ADGRG6: variants seen among roughly 807,000 people sequenced by gnomAD.
ADGRG6 encodes adhesion G protein-coupled receptor G6.
In ADGRG6, 84 loss-of-function variants were observed where a neutral mutation model predicts 142.4. The observed-to-expected ratio is 0.59, with a 90% CI of 0.49 to 0.71. The LOEUF (loss-of-function observed/expected upper bound fraction) is 0.71, where lower values mean the gene tolerates loss of function less well. Ranked by LOEUF, ADGRG6 falls within the 30% of genes least tolerant of loss-of-function variation. The probability of loss-of-function intolerance (pLI) is 0.00; values close to 1 mark genes in which losing one functional copy is unlikely to be tolerated. For missense variants in ADGRG6, 1,367 were observed against 1,466.6 expected, an observed-to-expected ratio of 0.93 and a Z score of 1.11; for synonymous variants, 521 against 520.5, an observed-to-expected ratio of 1.00 and a Z score of -0.01.
rs757742213 is a variant in ADGRG6, at chr6:142,444,390, A to C, written c.*875A>C. 6.6e-6 allele frequency: 1 copy of C among 152,174 alleles called. No homozygotes were observed. Among genetic ancestry groups the C allele is most frequent in the Non-Finnish European group, 1.5e-5 (1 of 68,024 alleles). The allele number at this position is 152,174 out of a possible 1,614,324, so 9.4% of individuals were successfully genotyped here. A position where few individuals can be genotyped will look rare whatever the true frequency, so the allele number is the denominator to read the frequency against. On this transcript the variant is annotated 3_prime_UTR_variant, in exon 25 of 25. Coordinates refer to ENST00000367609, the MANE Select transcript of ADGRG6 (RefSeq NM_198569.3). ...AATTTCCATTAGGCAAGCTGTATGC[A>C]GTGGAATTTTCCTTTTAGGAGACAC...
chr6:142,370,699 C>G lies in ADGRG6; in HGVS notation c.975C>G (p.Leu325=), dbSNP rs766971711. Residue 325 remains leucine (L), a synonymous_variant, in exon 4 of 25, where the codon CTC becomes CTG. Transcript: ENST00000367609. ...TGAATGCCAAAATCCTCTCCAACCT[C>G]AGCTGTAATGTGAAAGGGAATGTAG... ...FTMNAKILSN[L]SCNVKGNVVD... is the part of the protein sequence containing the mutation. The G allele has an allele frequency of 6.2e-7, 1 of 1,613,512 alleles. No homozygotes were observed. The highest frequency in any genetic ancestry group is 1.3e-5 in the African/African-American group (1 of 74,872).
At chr6:142,314,316 A>C (rs528548548) in intron 2 of ADGRG6, among the ~76,000 whole-genome samples, 1 of 152,312 alleles carries the variant, frequency 6.6e-6, no homozygotes, top group East Asian at 1.9e-4. Flanking sequence ...GGGACCACTA[A>C]TGAAACTGAC....
intron 6 of ADGRG6, among the ~76,000 whole-genome samples, chr6:142,384,303 CA>C (rs1256585683): frequency 2.0e-5 from 3 of 152,060 alleles, no homozygotes; most frequent in African/African-American, 7.2e-5. Flanking sequence ...GTGACATTTA[CA>C]TCAATGTCCA....
At chr6:142,324,985 T>C (rs1778696252) in intron 2 of ADGRG6, among the ~76,000 whole-genome samples, 3 of 152,110 alleles carry the variant, frequency 2.0e-5, no homozygotes, top group South Asian at 2.1e-4. Flanking sequence ...AGAAACTATG[T>C]TGTAAACAAA....
chr6:142,401,222 CTT>C (rs1775506277), intron 11 of ADGRG6, among the ~76,000 whole-genome samples: 1 of 152,154 alleles, frequency 6.6e-6, no homozygotes, highest in Admixed American at 6.6e-5. Context: ...GGGTTTGACA[CTT>C]TGTAGGGAGC....
chr6:142,327,486 T>G (rs1204598563), intron 2 of ADGRG6, among the ~76,000 whole-genome samples: 1 of 152,094 alleles, frequency 6.6e-6, no homozygotes, highest in Non-Finnish European at 1.5e-5. Context: ...ACATCGTTAT[T>G]CAATTCAGTT....
intron 22 of ADGRG6, among the ~76,000 whole-genome samples, chr6:142,431,980 T>G (rs1777233769): frequency 6.6e-6 from 1 of 152,088 alleles, no homozygotes; most frequent in Admixed American, 6.5e-5. Context: ...TTCTTGGTTG[T>G]CAACACAGAA....
intron 2 of ADGRG6, among the ~76,000 whole-genome samples, chr6:142,339,863 A>T (rs1200588644): frequency 2.0e-5 from 3 of 151,916 alleles, no homozygotes; most frequent in Non-Finnish European, 2.9e-5. Context: ...TTTTTCTTTT[A>T]TTCTACTGTT....
At chr6:142,430,244 A>G (rs1214136064) in intron 22 of ADGRG6, among the ~76,000 whole-genome samples, 1 of 152,132 alleles carries the variant, frequency 6.6e-6, no homozygotes, top group East Asian at 1.9e-4. Context: ...TCAACTTAGA[A>G]TATTTATCCA....
At chr6:142,418,256 C>T (rs2115087883) in intron 21 of ADGRG6, among the ~76,000 whole-genome samples, 1 of 148,752 alleles carries the variant, frequency 6.7e-6, no homozygotes, top group Admixed American at 6.7e-5. Flanking sequence ...CAAGATTGCA[C>T]CATGAACTCC....
Position 142,444,780 on chromosome 6 carries a change from G to A in ADGRG6, c.*1265G>A, listed in dbSNP as rs1777903495. The A allele has an allele frequency of 6.6e-6, 1 of 152,162 alleles. No homozygotes were observed. Among genetic ancestry groups the A allele is most frequent in the Non-Finnish European group, 1.5e-5 (1 of 68,034 alleles). 9.4% of individuals were successfully genotyped at this position (152,162 alleles called of 1,614,324 possible). On this transcript the variant is annotated 3_prime_UTR_variant, in exon 25 of 25. Transcript: ENST00000367609. ...CTTGCTTGCTAATGAATGTATAGGA[G>A]ACCACATTGTAATTGTTCTTAGATG...
Position 142,367,574 on chromosome 6 carries a change from G to A in ADGRG6, c.109G>A (p.Gly37Arg), listed in dbSNP as rs1781004559. The A allele has an allele frequency of 6.2e-7, 1 of 1,612,462 alleles. No individual in the cohort carries two copies. Among genetic ancestry groups the A allele is most frequent in the Non-Finnish European group, 8.5e-7 (1 of 1,179,052 alleles). ...YIMCVPHSVW[G>R]CANCRVVLSN... ...CTCTTTTGTCTGGCCAGCAGTGTGG[G>A]GATGTGCCAACTGCCGAGTGGTTTT... The change falls in exon 3 of 25, where the codon GGA becomes AGA. Residue 37 changes from glycine (G) to arginine (R), a missense_variant. Gly to Arg is a moderately radical substitution (Grantham distance 125). This residue lies in a region of ADGRG6 where 737 missense variants were observed against 746.5 expected (regional missense o/e 0.99). Coordinates refer to ENST00000367609, the MANE Select transcript of ADGRG6 (RefSeq NM_198569.3).
At chr6:142,325,067 A>C (rs1463271081) in intron 2 of ADGRG6, among the ~76,000 whole-genome samples, 1 of 152,164 alleles carries the variant, frequency 6.6e-6, no homozygotes, top group Non-Finnish European at 1.5e-5. Context: ...GAATGCTACA[A>C]ATCCTCGTAG....
At chr6:142,382,440 C>T (rs187455411) in intron 5 of ADGRG6, among the ~76,000 whole-genome samples, 94 of 152,008 alleles carry the variant, frequency 6.2e-4, no homozygotes, top group Non-Finnish European at 1.2e-3. Flanking sequence ...TAAGATAAGG[C>T]CATGAGGCAA....
rs762468384 is a variant in ADGRG6, at chr6:142,405,816, T to A, written c.2256T>A (p.Thr752=). 1 of 1,598,900 alleles carries A rather than the reference T, an allele frequency of 6.3e-7. No homozygotes were observed. The highest frequency in any genetic ancestry group is 1.1e-5 in the South Asian group (1 of 87,938). ...RRAQFTFFNK[T]GLFQDVGPQR... is the part of the protein sequence containing the mutation. ...CACAGTTTACTTTCTTCAACAAAAC[T>A]GGACTTTTCCAGGTAAGCACATTCA... The change falls in exon 15 of 25, where the codon ACT becomes ACA. Residue 752 remains threonine (T), a synonymous_variant. Coordinates refer to ENST00000367609, the MANE Select transcript of ADGRG6 (RefSeq NM_198569.3).
intron 14 of ADGRG6, among the ~76,000 whole-genome samples, chr6:142,404,966 C>T (rs1312034317): frequency 2.0e-5 from 3 of 152,080 alleles, no homozygotes; most frequent in Non-Finnish European, 4.4e-5. Flanking sequence ...TATTAGCCAC[C>T]AGAGCAAACA....
At chr6:142,413,233 C>T (rs1177568975) in intron 18 of ADGRG6, among the ~76,000 whole-genome samples, 1 of 151,950 alleles carries the variant, frequency 6.6e-6, no homozygotes, top group Non-Finnish European at 1.5e-5. Context: ...TCTTTATTCA[C>T]TTGTATAAGA....
intron 1 of ADGRG6, among the ~76,000 whole-genome samples, chr6:142,306,669 A>G (rs9403378): frequency 0.099 from 14,987 of 152,130 alleles, 1,684 homozygotes; most frequent in East Asian, 0.65. Context: ...AAAATGGTGT[A>G]AGAGTGTACT....
At chr6:142,344,926 G>A (rs192149791) in intron 2 of ADGRG6, among the ~76,000 whole-genome samples, 5 of 152,112 alleles carry the variant, frequency 3.3e-5, no homozygotes, top group Admixed American at 6.6e-5. Flanking sequence ...GAAATAAACT[G>A]AGTCTACTGC....
Sources: allele counts gnomAD v4.1 joint callset (sites outside exome capture counted in the v4.1 genomes callset), GRCh38; gene constraint gnomAD v4.1.1; regional missense constraint gnomAD v4.1.1; transcripts MANE v1.5; gene names NCBI Gene and HGNC (gene_info 2026-07-23, HGNC 2026-07-21).